Variants in GTF2A1 observed in about 807,000 individuals in gnomAD.
The protein encoded by GTF2A1 is transcription initiation factor IIA subunit 1.
Under a neutral mutation model 54.1 loss-of-function variants are expected in GTF2A1, and 12 were observed. The observed-to-expected ratio is 0.22, with a 90% CI of 0.14 to 0.36. GTF2A1 has a LOEUF of 0.36. Ranked by LOEUF, GTF2A1 falls within the 10% of genes least tolerant of loss-of-function variation. The probability of loss-of-function intolerance (pLI) is 1.00; values close to 1 mark genes in which losing one functional copy is unlikely to be tolerated. For missense variants in GTF2A1, 335 were observed against 442.2 expected, an observed-to-expected ratio of 0.76 and a Z score of 2.17; for synonymous variants, 145 against 152.0, an observed-to-expected ratio of 0.95 and a Z score of 0.34.
chr14:81,181,017 T>A (rs565282680), intron 8 of GTF2A1, among the ~76,000 whole-genome samples: 4 of 152,230 alleles, frequency 2.6e-5, no homozygotes, highest in Non-Finnish European at 5.9e-5. Context: ...TGGAACCTTA[T>A]ACATAGCAGT....
Position 81,201,605 on chromosome 14 carries a change from C to G in GTF2A1, c.391G>C (p.Ala131Pro). 6.3e-7 allele frequency: 1 copy of G among 1,592,724 alleles called. No homozygotes were observed. The stretch of plus-strand genomic sequence containing the variant: ...ATTCTGAGTCTTACCATGTTTGATG[C>G]ATTCATATGCTGTATCAACTTAGAA... ...PDSKLIQHMN[A>P]SNMSAAATAA... is the part of the protein sequence containing the mutation. Residue 131 changes from alanine to proline, a missense_variant, in exon 4 of 9, where the codon GCA (alanine) becomes CCA (proline). This residue lies in a region of GTF2A1 where 306 missense variants were observed against 360.4 expected (regional missense o/e 0.85). Coordinates refer to ENST00000553612, the MANE Select transcript of GTF2A1 (RefSeq NM_015859.4).
Position 81,204,278 on chromosome 14 carries a change from T to TA in GTF2A1, c.133-175dup, listed in dbSNP as rs766943544. 8 of 748,226 alleles carry TA rather than the reference T, an allele frequency of 1.1e-5. No homozygotes were observed. The South Asian group carries it at 1.1e-4, about 11-fold the overall frequency. 46.3% of individuals were successfully genotyped at this position (748,226 alleles called of 1,614,324 possible). The stretch of plus-strand genomic sequence containing the variant: ...TGAAACAATAACAAAAACAAAATTT[T>TA]AAAGTATCAAACCTCATTTTTGCCA... On this transcript the variant is annotated intron_variant, in intron 2 of 8. Coordinates refer to ENST00000553612, the MANE Select transcript of GTF2A1 (RefSeq NM_015859.4).
chr14:81,219,758 G>A lies in GTF2A1; in HGVS notation c.30+731C>T, dbSNP rs183814143. Among the ~76,000 whole-genome samples the A allele has an allele frequency of 1.0e-3, 154 of 152,296 alleles. 1 individual carries two copies. The highest frequency in any genetic ancestry group is 3.6e-3 in the African/African-American group (148 of 41,558). On this transcript the variant is annotated intron_variant, in intron 1 of 8. Coordinates refer to ENST00000553612, the MANE Select transcript of GTF2A1 (RefSeq NM_015859.4). ...TCGCAAGTAACAAAAAGGGACCAAC[G>A]GGAAGAAGTAGGTAAATTTCAAGGC...
At chr14:81,204,939 A>G (rs2140031789) in intron 2 of GTF2A1, among the ~76,000 whole-genome samples, 1 of 152,226 alleles carries the variant, frequency 6.6e-6, no homozygotes, top group East Asian at 1.9e-4. Context: ...AAAGTCACAA[A>G]CTATTCCCTG....
chr14:81,191,075 T>C (rs1319599139), intron 7 of GTF2A1, among the ~76,000 whole-genome samples: 3 of 151,742 alleles, frequency 2.0e-5, no homozygotes, highest in Non-Finnish European at 4.4e-5. Context: ...AACACAAATA[T>C]CAAATAAATA....
chr14:81,187,551 T>C (rs1282867304), intron 7 of GTF2A1, among the ~76,000 whole-genome samples: 1 of 152,202 alleles, frequency 6.6e-6, no homozygotes, highest in African/African-American at 2.4e-5. Context: ...TGGCAATCTA[T>C]AATCTGCTGT....
In GTF2A1 at chr14:81,177,312, A is replaced by G. The variant is rs1892549363; in HGVS notation, c.*2911T>C. ...CATTTAAAAAATAGAAAAGCCCAACATAAAGATCCCCCTCACATAACAGAC... is the reference window on the plus strand; with the variant it reads ...CATTTAAAAAATAGAAAAGCCCAACGTAAAGATCCCCCTCACATAACAGAC... On this transcript the variant is annotated 3_prime_UTR_variant, in exon 9 of 9. Transcript: ENST00000553612. 1 of 152,122 alleles carries G rather than the reference A, an allele frequency of 6.6e-6. No homozygotes were observed. The highest frequency in any genetic ancestry group is 6.5e-5 in the Admixed American group (1 of 15,272). The allele number at this position is 152,122 out of a possible 1,614,324, so 9.4% of individuals were successfully genotyped here.
At chr14:81,180,565 T>C (rs1892618976) in intron 8 of GTF2A1, among the ~76,000 whole-genome samples, 1 of 151,974 alleles carries the variant, frequency 6.6e-6, no homozygotes, top group African/African-American at 2.4e-5. Context: ...TCCCAAAGTG[T>C]TGGGATTACA....
chr14:81,188,641 G>A (rs527243033), intron 7 of GTF2A1, among the ~76,000 whole-genome samples: 1 of 152,044 alleles, frequency 6.6e-6, no homozygotes, highest in East Asian at 2.0e-4. Context: ...GCCGGGCATG[G>A]TGGCGGGCAC....
intron 2 of GTF2A1, among the ~76,000 whole-genome samples, chr14:81,208,217 C>A (rs548131035): frequency 2.0e-5 from 3 of 152,240 alleles, no homozygotes; most frequent in African/African-American, 7.2e-5. Context: ...CTGTGTGCAG[C>A]CTAGGGATTT....
Position 81,220,585 on chromosome 14 carries a change from A to T in GTF2A1, c.-67T>A. 3.8e-6 allele frequency: 5 copies of T among 1,309,510 alleles called. No individual in the cohort carries two copies. The highest frequency in any genetic ancestry group is 1.4e-5 in the South Asian group (1 of 72,818). 81.1% of individuals were successfully genotyped at this position (1,309,510 alleles called of 1,614,324 possible). A position where few individuals can be genotyped will look rare whatever the true frequency, so the allele number is the denominator to read the frequency against. On this transcript the variant is annotated 5_prime_UTR_variant, in exon 1 of 9. Transcript: ENST00000553612. Reference sequence around the variant, plus strand: ...ACAAGATAAAAACAAAACCAAAAAAAAAAAAACTATAACACCCGGAGGGTG... The same window carrying T: ...ACAAGATAAAAACAAAACCAAAAAATAAAAAACTATAACACCCGGAGGGTG...
chr14:81,216,823 C>T (rs1239365499), intron 1 of GTF2A1, among the ~76,000 whole-genome samples: 1 of 152,178 alleles, frequency 6.6e-6, no homozygotes, highest in Non-Finnish European at 1.5e-5. Flanking sequence ...TTACGGGTTG[C>T]TTATGTCTGG....
At chr14:81,207,838 T>G (rs554551552) in intron 2 of GTF2A1, among the ~76,000 whole-genome samples, 13 of 152,228 alleles carry the variant, frequency 8.5e-5, no homozygotes, top group African/African-American at 2.4e-4. Flanking sequence ...CCCGAGAGAT[T>G]TGTGGAACTT....
intron 2 of GTF2A1, among the ~76,000 whole-genome samples, chr14:81,207,631 G>A (rs996219564): frequency 2.6e-5 from 4 of 152,206 alleles, no homozygotes; most frequent in Non-Finnish European, 5.9e-5. Flanking sequence ...GAGCTCAGAA[G>A]AAAACAGGAA....
intron 6 of GTF2A1, among the ~76,000 whole-genome samples, chr14:81,195,132 T>A (rs1892963895): frequency 7.9e-6 from 1 of 126,322 alleles, no homozygotes; most frequent in African/African-American, 3.4e-5. Context: ...AGAGACTCTG[T>A]CTCAAAAAAA....
Position 81,177,278 on chromosome 14 carries a change from A to G in GTF2A1, c.*2945T>C, listed in dbSNP as rs1892548761. ...TGATGGCATTTTAATTAACAGAAAGAAATGTGAACATTTAAAAAATAGAAA... is the reference window on the plus strand; with the variant it reads ...TGATGGCATTTTAATTAACAGAAAGGAATGTGAACATTTAAAAAATAGAAA... On this transcript the variant is annotated 3_prime_UTR_variant, in exon 9 of 9. Transcript: ENST00000553612. The G allele has an allele frequency of 6.6e-6, 1 of 152,154 alleles. No individual in the cohort carries two copies. Among genetic ancestry groups the G allele is most frequent in the African/African-American group, 2.4e-5 (1 of 41,462 alleles). The allele number at this position is 152,154 out of a possible 1,614,324, so 9.4% of individuals were successfully genotyped here.
At chr14:81,192,415 C>T (rs1892894249) in intron 7 of GTF2A1, 104 bp downstream of exon 7, 3 of 838,536 alleles carry the variant, frequency 3.6e-6, no homozygotes, top group Middle Eastern at 2.4e-4. Flanking sequence ...TTGTACAGCA[C>T]CTAACAGTCT....
chr14:81,189,607 C>A (rs993060015), intron 7 of GTF2A1, among the ~76,000 whole-genome samples: 9 of 151,996 alleles, frequency 5.9e-5, no homozygotes, highest in Middle Eastern at 3.4e-3. Flanking sequence ...GGGGATGGAG[C>A]ATGCAGTGAG....
At chr14:81,187,239 C>A (rs1406509159) in intron 7 of GTF2A1, among the ~76,000 whole-genome samples, 1 of 151,780 alleles carries the variant, frequency 6.6e-6, no homozygotes, top group Non-Finnish European at 1.5e-5. Flanking sequence ...CCTGTAGTCC[C>A]AGCTACTCGG....
Sources: gnomAD v4.1 joint callset for allele counts (sites outside exome capture counted in the v4.1 genomes callset) on GRCh38, gnomAD v4.1.1 for gene constraint, gnomAD v4.1.1 regional missense constraint, MANE v1.5 for transcripts, NCBI Gene and HGNC (gene_info 2026-07-23, HGNC 2026-07-21) for gene names.